Variants in RAB3C observed in about 807,000 individuals in gnomAD.
RAB3C encodes the protein RAB3C, member RAS oncogene family, also known as ras-related protein Rab-3C.
Under a neutral mutation model 26.4 loss-of-function variants are expected in RAB3C, and 17 were observed. The ratio of observed to expected loss-of-function variants is 0.64; its 90% CI spans 0.44 to 0.97. The LOEUF is 0.97. Among genes scored for constraint, RAB3C ranks in the 50% least tolerant of loss-of-function variants. The pLI, the probability that RAB3C is intolerant of heterozygous loss-of-function variation, is 0.00. For missense variants in RAB3C, 242 were observed against 281.9 expected, an observed-to-expected ratio of 0.86 and a Z score of 1.01; for synonymous variants, 91 against 95.9, an observed-to-expected ratio of 0.95 and a Z score of 0.30.
chr5:58,837,557 CTTTTTTTTT>C (rs36020735), intron 4 of RAB3C, among the ~76,000 whole-genome samples: 12 of 118,898 alleles, frequency 1.0e-4, no homozygotes, highest in Admixed American at 4.6e-4. Context: ...TTCAGTCTCT[CTTTTTTTTT>C]TTTTTTTTTT....
intron 2 of RAB3C, among the ~76,000 whole-genome samples, chr5:58,700,846 A>C (rs1335884248): frequency 1.3e-5 from 2 of 152,160 alleles, no homozygotes; most frequent in Non-Finnish European, 2.9e-5. Context: ...AATTGAGAGC[A>C]CTTGGTTTGG....
chr5:58,632,871 T>C lies in RAB3C; in HGVS notation c.252+15001T>C, dbSNP rs115102499. ...TGCTAACTTTGCTTTGGATTCTTTC[T>C]CTTTCCTCCTATTCACTACATTCTT... On this transcript the variant is annotated intron_variant, in intron 2 of 4. Transcript: ENST00000282878. 2.2e-3 allele frequency among the ~76,000 whole-genome samples: 339 copies of C among 152,352 alleles called. 1 individual carries two copies. The highest frequency in any genetic ancestry group is 3.9e-3 in the Non-Finnish European group (263 of 68,038).
At chr5:58,700,690 G>GT (rs1748822806) in intron 2 of RAB3C, among the ~76,000 whole-genome samples, 1 of 152,128 alleles carries the variant, frequency 6.6e-6, no homozygotes, top group Non-Finnish European at 1.5e-5. Flanking sequence ...TCCCTGTGAA[G>GT]TTTTTTAATA....
intron 1 of RAB3C, among the ~76,000 whole-genome samples, chr5:58,606,687 T>C (rs169704): frequency 0.29 from 44,756 of 151,910 alleles, 7,278 homozygotes; most frequent in East Asian, 0.59. Context: ...GGGATGAAAC[T>C]TCCAGAGGAA....
intron 3 of RAB3C, among the ~76,000 whole-genome samples, chr5:58,800,642 C>G (rs1742785606): frequency 1.3e-5 from 2 of 152,160 alleles, no homozygotes; most frequent in African/African-American, 4.8e-5. Context: ...TGTCAGCTGC[C>G]ACACGTGGAG....
At chr5:58,719,074 G>A (rs1192131106) in intron 2 of RAB3C, among the ~76,000 whole-genome samples, 2 of 151,936 alleles carry the variant, frequency 1.3e-5, no homozygotes, top group Admixed American at 6.6e-5. Context: ...TCTGTTGTTT[G>A]GGGGAGTTGT....
intron 1 of RAB3C, among the ~76,000 whole-genome samples, chr5:58,612,532 ATATATATATATATATG>A (rs1284985844): frequency 0.039 from 3,368 of 86,738 alleles, 45 homozygotes; most frequent in Non-Finnish European, 0.058. Flanking sequence ...ATATATATAT[ATATATATATATATATG>A]TATATATATA....
chr5:58,688,226 C>T (rs143981977), intron 2 of RAB3C, among the ~76,000 whole-genome samples: 497 of 152,186 alleles, frequency 3.3e-3, no homozygotes, highest in African/African-American at 0.011. Flanking sequence ...CCATCTTCTA[C>T]ATAGGAGATG....
At chr5:58,713,947 TATAAG>T (rs1232233634) in intron 2 of RAB3C, among the ~76,000 whole-genome samples, 1 of 152,190 alleles carries the variant, frequency 6.6e-6, no homozygotes, top group South Asian at 2.1e-4. Flanking sequence ...CTAGAATTGT[TATAAG>T]ATAATAATCC....
chr5:58,730,060 G>A (rs1740979695), intron 3 of RAB3C, among the ~76,000 whole-genome samples: 1 of 151,278 alleles, frequency 6.6e-6, no homozygotes, highest in Non-Finnish European at 1.5e-5. Flanking sequence ...ATTAACGGTT[G>A]TATTCTTCCT....
intron 2 of RAB3C, among the ~76,000 whole-genome samples, chr5:58,717,140 TTAAGACAG>T (rs1749188790): frequency 2.6e-5 from 4 of 152,110 alleles, no homozygotes; most frequent in Non-Finnish European, 2.9e-5. Flanking sequence ...AAGTTGATTA[TTAAGACAG>T]AAACAAATCT....
chr5:58,784,718 A>G (rs779404062), intron 3 of RAB3C: 2 of 152,212 alleles, frequency 1.3e-5, no homozygotes, highest in South Asian at 2.1e-4. Context: ...AAGAGAAATC[A>G]TCTACCTTTG....
At chr5:58,804,971 T>C (rs1391991134) in intron 3 of RAB3C, among the ~76,000 whole-genome samples, 2 of 151,354 alleles carry the variant, frequency 1.3e-5, no homozygotes, top group East Asian at 1.9e-4. Flanking sequence ...GATATTGCAG[T>C]AGTAAAAAGA....
intron 3 of RAB3C, among the ~76,000 whole-genome samples, chr5:58,775,938 A>G (rs548053881): frequency 1.3e-5 from 2 of 152,042 alleles, no homozygotes; most frequent in East Asian, 1.9e-4. Context: ...TATTGCTCAC[A>G]TTTTCTTTTT....
At position 58,673,489 on chromosome 5, in the gene RAB3C, T is replaced by C. The variant is rs375432399; in HGVS notation, c.253-52513T>C. Among the ~76,000 whole-genome samples the C allele has an allele frequency of 4.5e-3, 593 of 130,768 alleles. 6 individuals are homozygous for C. The highest frequency in any genetic ancestry group is 7.6e-3 in the South Asian group (28 of 3,694). 85.8% of individuals were successfully genotyped at this position (130,768 alleles called of 152,430 possible). A position where few individuals can be genotyped will look rare whatever the true frequency, so the allele number is the denominator to read the frequency against. On this transcript the variant is annotated intron_variant, in intron 2 of 4. Coordinates refer to ENST00000282878, the MANE Select transcript of RAB3C (RefSeq NM_138453.4). ...ACACACACACACACACACACACACA[T>C]ACAATTTTCAATCCTCATTTATGAC...
At chr5:58,676,817 C>CT (rs1180181774) in intron 2 of RAB3C, among the ~76,000 whole-genome samples, 9 of 151,988 alleles carry the variant, frequency 5.9e-5, no homozygotes, top group Non-Finnish European at 2.9e-5. Context: ...GTCATGCAGA[C>CT]TTTTTTTAAA....
At chr5:58,754,859 A>G (rs1334425589) in intron 3 of RAB3C, among the ~76,000 whole-genome samples, 1 of 151,482 alleles carries the variant, frequency 6.6e-6, no homozygotes, top group Non-Finnish European at 1.5e-5. Context: ...TCGTCCAGAG[A>G]GCTACATCTA....
intron 3 of RAB3C, among the ~76,000 whole-genome samples, chr5:58,744,594 A>C (rs1377045569): frequency 6.6e-6 from 1 of 152,218 alleles, no homozygotes; most frequent in South Asian, 2.1e-4. Context: ...CTGATGACAT[A>C]ACTGCGTAGA....
intron 3 of RAB3C, among the ~76,000 whole-genome samples, chr5:58,780,120 A>G (rs1208680243): frequency 1.3e-5 from 2 of 152,140 alleles, no homozygotes; most frequent in Non-Finnish European, 2.9e-5. Context: ...AAAAGAGGTT[A>G]GCAGTGTCGT....
Sources: gnomAD v4.1 joint callset for allele counts (sites outside exome capture counted in the v4.1 genomes callset) on GRCh38, gnomAD v4.1.1 for gene constraint, MANE v1.5 for transcripts, NCBI Gene and HGNC (gene_info 2026-07-23, HGNC 2026-07-21) for gene names.